Variants in PRRT3 observed in about 807,000 individuals in gnomAD.
PRRT3 encodes the protein proline rich transmembrane protein 3, also known as proline-rich transmembrane protein 3.
A neutral mutation model predicts 56.6 loss-of-function variants in PRRT3; 48 were observed. That is an observed-to-expected ratio of 0.85 (90% CI 0.67 to 1.08). PRRT3 has a LOEUF of 1.08. Ranked by LOEUF, PRRT3 falls within the 50% of genes least tolerant of loss-of-function variation. The pLI, the probability that PRRT3 is intolerant of heterozygous loss-of-function variation, is 0.00. For missense variants in PRRT3, 1,370 were observed against 1,353.1 expected (o/e 1.01, Z -0.20); for synonymous variants, 641 against 619.1 (o/e 1.04, Z -0.52).
rs1167004241 is a variant in PRRT3, at chr3:9,947,544, C to A, written c.1629G>T (p.Leu543=). The A allele has an allele frequency of 9.9e-6, 16 of 1,611,038 alleles. No homozygotes were observed. Among genetic ancestry groups the A allele is most frequent in the African/African-American group, 1.3e-5 (1 of 74,894 alleles). The change falls in exon 4 of 4, where the codon CTG becomes CTT. Residue 543 remains leucine (L), a synonymous_variant. Coordinates refer to ENST00000412055, the MANE Select transcript of PRRT3 (RefSeq NM_207351.5). This position sits in a 1 kb window ranked among gnomAD's most constrained non-coding sequence, Gnocchi z 9.2. ...GCGCCGTAAGCAGCAAGGGGAAGGG[C>A]AGGTTGTAGAGCACCAGGCCCCCGC... ...GVRGGLVLYN[L]PFPLLLTALA...
At chr3:9,951,738 C>T (rs529624809) in intron 1 of PRRT3, among the ~76,000 whole-genome samples, 3 of 152,268 alleles carry the variant, frequency 2.0e-5, no homozygotes, top group Admixed American at 6.5e-5. Flanking sequence ...CACGTCACTC[C>T]GCCCTCCCAA....
At position 9,949,912 on chromosome 3, in the gene PRRT3, G is replaced by A. The variant is rs1235302765; in HGVS notation, c.204C>T (p.Asp68=). ...GGCGGACATCAGAGTTCCTGTGACT[G>A]TCAGCTCTGGGGTTCTCCGGGAACA... The part of the protein sequence containing the change: ...FDVFPENPRA[D]SHRNSDVRHA... The change falls in exon 2 of 4, where the codon GAC becomes GAT. Residue 68 remains aspartate (D), a synonymous_variant. Coordinates refer to ENST00000412055, the MANE Select transcript of PRRT3 (RefSeq NM_207351.5). The surrounding 1 kb of genome is among the most constrained non-coding windows in gnomAD (Gnocchi z 4.5). 1 of 1,612,388 alleles carries A rather than the reference G, an allele frequency of 6.2e-7. No homozygotes were observed. The highest frequency in any genetic ancestry group is 1.1e-5 in the South Asian group (1 of 90,884).
rs2085600009 is a variant in PRRT3, at chr3:9,950,061, G to C, written c.55C>G (p.Leu19Val). 3 of 1,510,954 alleles carry C rather than the reference G, an allele frequency of 2.0e-6. No individual in the cohort carries two copies. The highest frequency in any genetic ancestry group is 2.6e-6 in the Non-Finnish European group (3 of 1,132,200). The allele number at this position is 1,510,954 out of a possible 1,614,324, so 93.6% of individuals were successfully genotyped here. A position where few individuals can be genotyped will look rare whatever the true frequency, so the allele number is the denominator to read the frequency against. ...VCGLLLLLLP[L>V]LGTGPALGRG... is the part of the protein sequence containing the mutation. ...CCCAGGGCAGGGCCAGTCCCCAGGA[G>C]TGGCAGCAGCAACAGCAGAAGGCCA... Residue 19 changes from leucine (L) to valine (V), a missense_variant, in exon 2 of 4, where the codon CTC becomes GTC. By Grantham distance (32) the Leu-to-Val change is conservative. Coordinates refer to ENST00000412055, the MANE Select transcript of PRRT3 (RefSeq NM_207351.5).
Position 9,950,034 on chromosome 3 carries a change from T to A in PRRT3, c.82A>T (p.Arg28Trp). Residue 28 changes from arginine (R) to tryptophan (W), a missense_variant, in exon 2 of 4, where the codon AGG becomes TGG. Arg to Trp is a moderately radical substitution (Grantham distance 101, BLOSUM62 -3). Coordinates refer to ENST00000412055, the MANE Select transcript of PRRT3 (RefSeq NM_207351.5). ...PLLGTGPALG[R>W]GFPRPLENSE... is the part of the protein sequence containing the mutation. ...TTTTCAAGTGGCCTGGGAAAGCCCC[T>A]CCCCAGGGCAGGGCCAGTCCCCAGG... is the stretch of plus-strand genomic sequence containing the variant. The A allele has an allele frequency of 6.6e-7, 1 of 1,522,128 alleles. No individual in the cohort carries two copies. The highest frequency in any genetic ancestry group is 8.8e-7 in the Non-Finnish European group (1 of 1,138,126). 94.3% of individuals were successfully genotyped at this position (1,522,128 alleles called of 1,614,324 possible).
intron 1 of PRRT3, among the ~76,000 whole-genome samples, chr3:9,950,555 T>G (rs1007455400): frequency 6.6e-6 from 1 of 152,236 alleles, no homozygotes; most frequent in Non-Finnish European, 1.5e-5. Context: ...CAGGCTGGAG[T>G]GCAGTGGCGT....
intron 3 of PRRT3, chr3:9,948,522 T>G: frequency 3.6e-6 from 2 of 549,842 alleles, no homozygotes; most frequent in Non-Finnish European, 6.4e-6. Context: ...GTTCTAAACA[T>G]ATCCATGTTA....
intron 1 of PRRT3, among the ~76,000 whole-genome samples, chr3:9,951,613 G>A (rs1322080772): frequency 6.6e-6 from 1 of 152,200 alleles, no homozygotes; most frequent in African/African-American, 2.4e-5. Context: ...ACAGGGCTTT[G>A]CTCCAGGGTT....
chr3:9,946,228 C>G lies in PRRT3; in HGVS notation c.2945G>C (p.Ter982SerextTer23), dbSNP rs2085514371. 3.1e-6 allele frequency: 5 copies of G among 1,611,580 alleles called. No homozygotes were observed. Among genetic ancestry groups the G allele is most frequent in the African/African-American group, 1.3e-5 (1 of 74,832 alleles). Residue 982 changes from the stop codon to serine, a stop_lost, in exon 4 of 4, where the codon TGA (stop) becomes TCA (serine). Transcript: ENST00000412055. The surrounding 1 kb of genome is among the most constrained non-coding windows in gnomAD (Gnocchi z 4.1). The stretch of plus-strand genomic sequence containing the variant: ...CTGGCCCTGCGTCAGGACCGCTCTT[C>G]AAAGCTCGATGGTATCACTGGAGGC... ...RSASSDTIEL[*>S]
chr3:9,948,698 A>C, intron 3 of PRRT3, 60 bp downstream of exon 3: 6 of 1,584,832 alleles, frequency 3.8e-6, no homozygotes, highest in South Asian at 1.1e-5. Flanking sequence ...CATCCCCAAC[A>C]GAGGTTCTCA....
chr3:9,949,858 C>T lies in PRRT3; in HGVS notation c.258G>A (p.Lys86=), dbSNP rs1224065936. 1 of 1,613,590 alleles carries T rather than the reference C, an allele frequency of 6.2e-7. No homozygotes were observed. The highest frequency in any genetic ancestry group is 1.3e-5 in the African/African-American group (1 of 75,028). Residue 86 remains lysine (K), a synonymous_variant, in exon 2 of 4, where the codon AAG becomes AAA. Transcript: ENST00000412055. The surrounding 1 kb of genome is among the most constrained non-coding windows in gnomAD (Gnocchi z 4.5). ...CTGGGCCAAGGGGAGAGGCTACAGG[C>T]TTCTCAGGCATCTCTTCAGCAGGGG... is the stretch of plus-strand genomic sequence containing the variant. ...RHAPAEEMPE[K]PVASPLGPAL...
Position 9,947,706 on chromosome 3 carries a change from C to T in PRRT3, c.1467G>A (p.Ala489=). The change falls in exon 4 of 4, where the codon GCG becomes GCA. Residue 489 remains alanine (A), a synonymous_variant. Transcript: ENST00000412055. The surrounding 1 kb of genome is among the most constrained non-coding windows in gnomAD (Gnocchi z 9.2). ...CTGGGGCGGCTGCCAGCGCAGCCAG[C>T]GCCAACAACGCGGGCAGCAGAAAGA... The part of the protein sequence containing the change: ...GVLFLLPALL[A]LAALAAAPAG... 6.4e-7 allele frequency: 1 copy of T among 1,567,672 alleles called. No individual in the cohort carries two copies. The highest frequency in any genetic ancestry group is 8.6e-7 in the Non-Finnish European group (1 of 1,160,154).
In PRRT3 at chr3:9,946,707, G is replaced by T; in HGVS notation, c.2466C>A (p.Arg822=). The change falls in exon 4 of 4, where the codon CGC becomes CGA. Residue 822 remains arginine (R), a synonymous_variant. Transcript: ENST00000412055. The surrounding 1 kb of genome is among the most constrained non-coding windows in gnomAD (Gnocchi z 4.1). ...ACACACTGTCTCGCACTAGGTGCTC[G>T]CGGAAGAGCGCGGCGTCGATGCTGC... ...LSRSIDAALF[R]EHLVRDSVFQ... 6.8e-7 allele frequency: 1 copy of T among 1,474,736 alleles called. No individual in the cohort carries two copies. Among genetic ancestry groups the T allele is most frequent in the Non-Finnish European group, 8.9e-7 (1 of 1,121,316 alleles). 91.4% of individuals were successfully genotyped at this position (1,474,736 alleles called of 1,614,324 possible).
In PRRT3 at chr3:9,946,656, C is replaced by CAGGCCGCGG. The variant is rs905462534; in HGVS notation, c.2508_2516dup (p.Arg837_Leu839dup). 2.1e-6 allele frequency: 3 copies of CAGGCCGCGG among 1,399,914 alleles called. No homozygotes were observed. In the East Asian group the frequency reaches 8.8e-5, roughly 41 times the overall value. 86.7% of individuals were successfully genotyped at this position (1,399,914 alleles called of 1,614,324 possible). On this transcript the variant is annotated inframe_insertion, in exon 4 of 4. Transcript: ENST00000412055. This position sits in a 1 kb window ranked among gnomAD's most constrained non-coding sequence, Gnocchi z 4.1. ...GAGCGCCTCCAGGCGGCGGGGAGGC[C>CAGGCCGCGG]AGGCCGCGGAGGCCGCAGCGCTGGA...
Position 9,950,052 on chromosome 3 carries a change from TC to T in PRRT3, c.63del (p.Thr22LeufsTer20). ...AAGCCCCTCCCCAGGGCAGGGCCAG[TC>T]CCCAGGAGTGGCAGCAGCAACAGCA... ...GLLLLLLPLL[G>X]TGPALGRGFP... On this transcript the variant is annotated frameshift_variant, in exon 2 of 4. Transcript: ENST00000412055. LOFTEE classifies it high-confidence loss of function. 2 of 1,511,794 alleles carry T rather than the reference TC, an allele frequency of 1.3e-6. No individual in the cohort carries two copies. The highest frequency in any genetic ancestry group is 1.8e-6 in the Non-Finnish European group (2 of 1,132,530). 93.6% of individuals were successfully genotyped at this position (1,511,794 alleles called of 1,614,324 possible).
rs756420846 is a variant in PRRT3 at position 9,947,963 on chromosome 3, G to GA, written c.1209dup (p.Pro404SerfsTer248). ...GGGGCCTGGACTGGGGGTGCTGGGG[G>GA]ATGGCTTTGGGGGCGCCCCGGCCAC... On this transcript the variant is annotated frameshift_variant, in exon 4 of 4. Coordinates refer to ENST00000412055, the MANE Select transcript of PRRT3 (RefSeq NM_207351.5). LOFTEE classifies it high-confidence loss of function. This position sits in a 1 kb window ranked among gnomAD's most constrained non-coding sequence, Gnocchi z 9.2. 2.2e-6 allele frequency: 3 copies of GA among 1,369,808 alleles called. No homozygotes were observed. The highest frequency in any genetic ancestry group is 2.8e-6 in the Non-Finnish European group (3 of 1,063,196). 84.9% of individuals were successfully genotyped at this position (1,369,808 alleles called of 1,614,324 possible).
chr3:9,947,143 CCCCACCAGG>C lies in PRRT3; in HGVS notation c.2021_2029del (p.Ala674_Trp676del). 1.3e-6 allele frequency: 2 copies of C among 1,537,800 alleles called. No homozygotes were observed. Among genetic ancestry groups the C allele is most frequent in the Non-Finnish European group, 1.7e-6 (2 of 1,147,554 alleles). Reference sequence around the variant, plus strand: ...CAGGAGGCGCAGCCAGAAGTGGACACCCCACCAGGCCCACGAGAAGCGGCCCACGCGGCC... The same window carrying C: ...CAGGAGGCGCAGCCAGAAGTGGACACCCCACGAGAAGCGGCCCACGCGGCC... On this transcript the variant is annotated inframe_deletion, in exon 4 of 4. Coordinates refer to ENST00000412055, the MANE Select transcript of PRRT3 (RefSeq NM_207351.5). The surrounding 1 kb of genome is among the most constrained non-coding windows in gnomAD (Gnocchi z 9.2).
chr3:9,947,973 G>A lies in PRRT3; in HGVS notation c.1200C>T (p.Pro400=), dbSNP rs532081495. The change falls in exon 4 of 4, where the codon CCC becomes CCT. Residue 400 remains proline (P), a synonymous_variant. Coordinates refer to ENST00000412055, the MANE Select transcript of PRRT3 (RefSeq NM_207351.5). The surrounding 1 kb of genome is among the most constrained non-coding windows in gnomAD (Gnocchi z 9.2). ...PDEAEEWPGR[P]QSHPPAPPVQ... is the part of the protein sequence containing the mutation. ...CTGGGGGTGCTGGGGGATGGCTTTG[G>A]GGGCGCCCCGGCCACTCCTCGGCTT... The A allele has an allele frequency of 2.2e-6, 3 of 1,358,860 alleles. No individual in the cohort carries two copies. The highest frequency in any genetic ancestry group is 2.8e-6 in the Non-Finnish European group (3 of 1,057,320). The allele number at this position is 1,358,860 out of a possible 1,614,324, so 84.2% of individuals were successfully genotyped here.
intron 3 of PRRT3, 126 bp from the exon 4 acceptor site, chr3:9,948,127 T>C (rs890866565): frequency 1.2e-5 from 12 of 1,000,620 alleles, no homozygotes; most frequent in African/African-American, 1.0e-4. Flanking sequence ...TAACAGCACC[T>C]GCCTCATTGC....
In PRRT3 at chr3:9,945,631, T is replaced by C. The variant is rs924174556; in HGVS notation, c.*596A>G. 1 of 153,218 alleles carries C rather than the reference T, an allele frequency of 6.5e-6. No individual in the cohort carries two copies. The highest frequency in any genetic ancestry group is 2.4e-5 in the African/African-American group (1 of 41,432). 9.5% of individuals were successfully genotyped at this position (153,218 alleles called of 1,614,324 possible). On this transcript the variant is annotated 3_prime_UTR_variant, in exon 4 of 4. Transcript: ENST00000412055. ...TCCACGTTGGGGAGTCTGGGGCACC[T>C]GCTCCCTGTTCTTCATGCCCGAATC...
Sources: gnomAD v4.1 joint callset for allele counts (sites outside exome capture counted in the v4.1 genomes callset) on GRCh38, gnomAD v4.1.1 for gene constraint, Gnocchi (gnomAD v3.1) non-coding constraint, MANE v1.5 for transcripts, NCBI Gene and HGNC (gene_info 2026-07-23, HGNC 2026-07-21) for gene names.